SV2C: variants seen among roughly 807,000 people sequenced by gnomAD.
SV2C encodes the protein synaptic vesicle glycoprotein 2C.
SV2C carries 49 observed loss-of-function variants against 79.7 expected under a neutral mutation model. The observed-to-expected ratio is 0.61, with a 90% CI of 0.49 to 0.78. The LOEUF (loss-of-function observed/expected upper bound fraction) is 0.78. Among genes scored for constraint, SV2C ranks in the 30% least tolerant of loss-of-function variants. SV2C has a pLI of 0.00. For synonymous variants in SV2C, 334 were observed against 333.2 expected, an observed-to-expected ratio of 1.00 and a Z score of -0.03; for missense variants, 833 against 912.9, an observed-to-expected ratio of 0.91 and a Z score of 1.13.
the SV2C span, among the ~76,000 whole-genome samples, chr5:75,864,396 C>T: frequency 0.011 from 1,700 of 152,270 alleles, 24 homozygotes; most frequent in African/African-American, 0.036. Flanking sequence ...AGGCCCCTAT[C>T]TCCTGCAGTG....
the SV2C span, among the ~76,000 whole-genome samples, chr5:76,077,182 A>G: frequency 2.0e-5 from 3 of 152,214 alleles, no homozygotes; most frequent in Non-Finnish European, 4.4e-5. Context: ...TCATTTAAAA[A>G]AAAACAAAAC....
intron 10 of SV2C, among the ~76,000 whole-genome samples, chr5:76,300,053 G>A (rs1747927398): frequency 6.6e-6 from 1 of 151,982 alleles, no homozygotes. Flanking sequence ...GCAATGATAA[G>A]GCTGACTCTT....
the SV2C span, among the ~76,000 whole-genome samples, chr5:76,033,765 T>A: frequency 6.6e-6 from 1 of 152,122 alleles, no homozygotes; most frequent in Admixed American, 6.5e-5. Context: ...TTTCAAGTAG[T>A]TTTTTCCAAT....
intron 12 of SV2C, among the ~76,000 whole-genome samples, chr5:76,347,626 G>A (rs1749568397): frequency 6.6e-6 from 1 of 152,128 alleles, no homozygotes; most frequent in South Asian, 2.1e-4. Flanking sequence ...ATTTTTAATA[G>A]GGACAGGATT....
the SV2C span, among the ~76,000 whole-genome samples, chr5:75,975,306 C>T: frequency 6.6e-6 from 1 of 152,116 alleles, no homozygotes; most frequent in Non-Finnish European, 1.5e-5. Context: ...AATGATGAAG[C>T]AACTGTCACT....
At chr5:76,340,700 G>A (rs1048414537) in intron 12 of SV2C, among the ~76,000 whole-genome samples, 3 of 152,168 alleles carry the variant, frequency 2.0e-5, no homozygotes, top group African/African-American at 7.2e-5. Context: ...AGAATGGAAA[G>A]AAACAGTAGT....
chr5:76,006,503 A>G, the SV2C span, among the ~76,000 whole-genome samples: 99 of 152,294 alleles, frequency 6.5e-4, no homozygotes, highest in African/African-American at 2.3e-3. Flanking sequence ...ACAGCATTCC[A>G]CCATCAGAAC....
At chr5:75,929,865 G>T in the SV2C span, among the ~76,000 whole-genome samples, 1 of 152,060 alleles carries the variant, frequency 6.6e-6, no homozygotes, top group African/African-American at 2.4e-5. Flanking sequence ...GTAAAATATT[G>T]GTTGTATCTT....
intron 12 of SV2C, among the ~76,000 whole-genome samples, chr5:76,347,521 T>C (rs1043892765): frequency 2.6e-5 from 4 of 152,182 alleles, no homozygotes; most frequent in African/African-American, 9.7e-5. Context: ...CTCCTCTCAC[T>C]GCAACCTCCA....
the SV2C span, among the ~76,000 whole-genome samples, chr5:76,050,998 G>A: frequency 6.6e-6 from 1 of 152,240 alleles, no homozygotes; most frequent in Non-Finnish European, 1.5e-5. Context: ...AATTTAAAAT[G>A]TTTGTAGTTT....
intron 3 of SV2C, among the ~76,000 whole-genome samples, chr5:76,201,843 C>T (rs1744451416): frequency 6.6e-6 from 1 of 151,676 alleles, no homozygotes; most frequent in Admixed American, 6.6e-5. Flanking sequence ...ATGGTGAAAC[C>T]CCGTCTCTAC....
chr5:75,922,899 G>A, the SV2C span, among the ~76,000 whole-genome samples: 2 of 152,314 alleles, frequency 1.3e-5, no homozygotes, highest in South Asian at 4.1e-4. Flanking sequence ...TAAGCACTGA[G>A]CATAGGGAAT....
At chr5:75,928,010 A>G in the SV2C span, among the ~76,000 whole-genome samples, 50 of 152,314 alleles carry the variant, frequency 3.3e-4, no homozygotes, top group African/African-American at 1.1e-3. Flanking sequence ...CAGACATAGT[A>G]TTGGATTCTT....
At chr5:76,075,519 T>C in the SV2C span, 2 of 167,706 alleles carry the variant, frequency 1.2e-5, no homozygotes, top group African/African-American at 4.9e-5. Flanking sequence ...CTCGAGAGCT[T>C]GTCAGAAGAA....
chr5:76,137,430 G>A lies in SV2C; in HGVS notation c.580+5100G>A, dbSNP rs17746845. On this transcript the variant is annotated intron_variant, in intron 2 of 12. Transcript: ENST00000502798. ...TAGCCAAGGCATTGGGCAGGTACAG[G>A]GAAGGCAGAGCAGATGGGGAGGCTG... 2.1e-3 allele frequency among the ~76,000 whole-genome samples: 322 copies of A among 152,258 alleles called. 14 individuals carry two copies. In the East Asian group the frequency reaches 0.059, roughly 28 times the overall value.
the SV2C span, among the ~76,000 whole-genome samples, chr5:76,056,892 C>T: frequency 6.6e-6 from 1 of 151,448 alleles, no homozygotes; most frequent in Non-Finnish European, 1.5e-5. Context: ...TTTGATTCTT[C>T]TCTCTTTATT....
the SV2C span, among the ~76,000 whole-genome samples, chr5:75,867,071 A>G: frequency 6.6e-6 from 1 of 152,178 alleles, no homozygotes; most frequent in African/African-American, 2.4e-5. Flanking sequence ...AGCAAGGTAG[A>G]TATAGGCCGA....
chr5:76,084,518 A>T (rs971807746), intron 1 of SV2C, among the ~76,000 whole-genome samples: 60 of 137,010 alleles, frequency 4.4e-4, no homozygotes, highest in African/African-American at 1.6e-3. Context: ...ACCCCACGGC[A>T]GATGAACAAT....
chr5:76,238,328 A>G lies in SV2C; in HGVS notation c.913+28441A>G, dbSNP rs553845774. ...TATGTGTGTGTGTGTGTATGTGTGT[A>G]TGTTCTTTGCCCTTTTTAATCCAAC... On this transcript the variant is annotated intron_variant, in intron 4 of 12. Transcript: ENST00000502798. Among the ~76,000 whole-genome samples, 183 of 149,174 alleles carry G rather than the reference A, an allele frequency of 1.2e-3. 2 individuals are homozygous for G. The highest frequency in any genetic ancestry group is 4.6e-3 in the African/African-American group (181 of 39,560).
Sources: gnomAD v4.1 joint callset for allele counts (sites outside exome capture counted in the v4.1 genomes callset) on GRCh38, gnomAD v4.1.1 for gene constraint, MANE v1.5 for transcripts, NCBI Gene and HGNC (gene_info 2026-07-23, HGNC 2026-07-21) for gene names.